The following FER variants were observed in gnomAD, a reference collection of about 807,000 sequenced individuals.
The protein encoded by FER is FER tyrosine kinase.
In FER, 63 loss-of-function variants were observed where a neutral mutation model predicts 111.0. The ratio of observed to expected loss-of-function variants is 0.57; its 90% CI spans 0.46 to 0.70. The LOEUF (loss-of-function observed/expected upper bound fraction) is 0.70. FER is among the 30% of genes least tolerant of loss of function. The pLI, the probability that FER is intolerant of heterozygous loss-of-function variation, is 0.00. For synonymous variants in FER, 327 were observed against 313.9 expected, an observed-to-expected ratio of 1.04 and a Z score of -0.44; for missense variants, 914 against 954.0, an observed-to-expected ratio of 0.96 and a Z score of 0.55.
chr5:108,882,961 C>T (rs1243985023), intron 8 of FER, among the ~76,000 whole-genome samples: 1 of 151,874 alleles, frequency 6.6e-6, no homozygotes, highest in African/African-American at 2.4e-5. Flanking sequence ...AACTGAGCCT[C>T]ACTTTCATTT....
At chr5:108,936,544 C>T (rs1028872563) in intron 10 of FER, among the ~76,000 whole-genome samples, 20 of 152,024 alleles carry the variant, frequency 1.3e-4, no homozygotes, top group African/African-American at 4.6e-4. Flanking sequence ...CAGTGTACAA[C>T]AATTCTCATG....
chr5:108,804,098 T>A (rs1756953040), intron 3 of FER, among the ~76,000 whole-genome samples: 1 of 152,186 alleles, frequency 6.6e-6, no homozygotes, highest in Non-Finnish European at 1.5e-5. Context: ...TTTGTTTCTC[T>A]TGTAAATGGC....
intron 5 of FER, among the ~76,000 whole-genome samples, chr5:108,864,985 C>T (rs551859957): frequency 5.9e-5 from 9 of 152,076 alleles, no homozygotes; most frequent in Admixed American, 1.3e-4. Flanking sequence ...TCTTCCTACC[C>T]ATGAGCATGG....
At chr5:109,095,891 C>T (rs1468019208) in intron 16 of FER, among the ~76,000 whole-genome samples, 1 of 151,904 alleles carries the variant, frequency 6.6e-6, no homozygotes, top group East Asian at 1.9e-4. Flanking sequence ...AATTGGTATC[C>T]TAAAAACAAG....
chr5:108,888,442 A>G (rs1221397060), intron 9 of FER, among the ~76,000 whole-genome samples: 2 of 151,896 alleles, frequency 1.3e-5, no homozygotes, highest in African/African-American at 4.8e-5. Context: ...ATAACAGAGG[A>G]ACAGCTACTT....
intron 2 of FER, chr5:108,785,523 G>T: frequency 1.8e-6 from 1 of 557,652 alleles, no homozygotes; most frequent in Non-Finnish European, 3.6e-6. Flanking sequence ...AACCTGGTGT[G>T]AGTGTGGCAG....
At chr5:108,950,682 A>G (rs541736882) in intron 11 of FER, among the ~76,000 whole-genome samples, 15 of 152,288 alleles carry the variant, frequency 9.8e-5, no homozygotes, top group Non-Finnish European at 1.5e-4. Context: ...AGAAATTTTT[A>G]AAAAACTGGA....
intron 10 of FER, among the ~76,000 whole-genome samples, chr5:108,934,847 G>T (rs986884979): frequency 6.6e-6 from 1 of 152,086 alleles, no homozygotes; most frequent in Admixed American, 6.6e-5. Context: ...TTGGGGCAAG[G>T]TGTCGCTTTA....
intron 3 of FER, among the ~76,000 whole-genome samples, chr5:108,822,365 T>C (rs1435374761): frequency 6.6e-6 from 1 of 152,200 alleles, no homozygotes; most frequent in Non-Finnish European, 1.5e-5. Context: ...ATTGGGCATT[T>C]TATAAAGAAA....
chr5:108,981,301 G>C (rs1404955755), intron 13 of FER, among the ~76,000 whole-genome samples: 1 of 151,954 alleles, frequency 6.6e-6, no homozygotes, highest in Non-Finnish European at 1.5e-5. Flanking sequence ...TAAAGGATTA[G>C]GAGACATTTG....
chr5:108,992,026 T>C (rs903551556), intron 13 of FER, among the ~76,000 whole-genome samples: 2 of 152,146 alleles, frequency 1.3e-5, no homozygotes, highest in Admixed American at 1.3e-4. Flanking sequence ...CCCTGCGGCC[T>C]TCCGCAGTGT....
intron 1 of FER, among the ~76,000 whole-genome samples, chr5:108,766,891 T>G (rs533802272): frequency 4.3e-4 from 65 of 152,284 alleles, no homozygotes; most frequent in African/African-American, 1.5e-3. Context: ...ACTACATATA[T>G]TGACCTCAGT....
intron 10 of FER, among the ~76,000 whole-genome samples, chr5:108,922,521 CA>C (rs1753157537): frequency 6.6e-6 from 1 of 152,086 alleles, no homozygotes; most frequent in South Asian, 2.1e-4. Context: ...GCACTGATTT[CA>C]ACACATTTAA....
chr5:108,764,296 A>G (rs1011589848), intron 1 of FER, among the ~76,000 whole-genome samples: 1 of 152,214 alleles, frequency 6.6e-6, no homozygotes, highest in Non-Finnish European at 1.5e-5. Context: ...CTTACTGTAT[A>G]TAGATATAAC....
chr5:108,803,907 G>A (rs1756934635), intron 3 of FER, among the ~76,000 whole-genome samples: 1 of 152,124 alleles, frequency 6.6e-6, no homozygotes, highest in African/African-American at 2.4e-5. Flanking sequence ...TGTTGAATCT[G>A]TAGATTGCTT....
At chr5:108,978,902 T>C (rs932600212) in intron 13 of FER, among the ~76,000 whole-genome samples, 3 of 152,160 alleles carry the variant, frequency 2.0e-5, no homozygotes, top group Non-Finnish European at 2.9e-5. Context: ...AACTAAAAAA[T>C]ATTCAGATTG....
intron 14 of FER, among the ~76,000 whole-genome samples, chr5:109,043,883 A>C (rs113039583): frequency 0.11 from 17,229 of 151,956 alleles, 1,091 homozygotes; most frequent in Non-Finnish European, 0.15. Flanking sequence ...AGACAGGAGA[A>C]TTGCTTGAAC....
chr5:109,009,533 C>G (rs1765968066), intron 13 of FER, among the ~76,000 whole-genome samples: 1 of 152,130 alleles, frequency 6.6e-6, no homozygotes, highest in African/African-American at 2.4e-5. Context: ...TCTTCTCAGC[C>G]CTCAGCCTGT....
intron 17 of FER, among the ~76,000 whole-genome samples, chr5:109,160,136 G>T (rs963350071): frequency 6.6e-6 from 1 of 152,066 alleles, no homozygotes; most frequent in African/African-American, 2.4e-5. Flanking sequence ...GAAAAACAAG[G>T]CATCCCGAAT....
Sources: gnomAD v4.1 joint callset for allele counts (sites outside exome capture counted in the v4.1 genomes callset) on GRCh38, gnomAD v4.1.1 for gene constraint, MANE v1.5 for transcripts, NCBI Gene and HGNC (gene_info 2026-07-23, HGNC 2026-07-21) for gene names.